BTNL8: variants seen among roughly 807,000 people sequenced by gnomAD.
BTNL8 encodes butyrophilin-like protein 8.
In BTNL8, 22 loss-of-function variants were observed where a neutral mutation model predicts 36.1. That is an observed-to-expected ratio of 0.61 (90% CI 0.44 to 0.87). The LOEUF (loss-of-function observed/expected upper bound fraction) is 0.87. Ranked by LOEUF, BTNL8 falls within the 40% of genes least tolerant of loss-of-function variation. The pLI, the probability that BTNL8 is intolerant of heterozygous loss-of-function variation, is 0.00. For missense variants in BTNL8, 526 were observed against 616.9 expected (o/e 0.85, Z 1.56); for synonymous variants, 203 against 235.6 (o/e 0.86, Z 1.27).
intron 5 of BTNL8, chr5:180,948,714 C>T: frequency 1.9e-6 from 1 of 523,662 alleles, no homozygotes; most frequent in South Asian, 2.0e-5. Context: ...GTGGGTGATC[C>T]TCGACCTCCC....
chr5:180,910,006 T>A (rs1210015730), intron 2 of BTNL8: 1 of 152,208 alleles, frequency 6.6e-6, no homozygotes, highest in East Asian at 1.9e-4. Flanking sequence ...GAAGGCCTCC[T>A]CCTCATAGCA....
At chr5:180,937,744 C>T (rs1758726105) in intron 3 of BTNL8, among the ~76,000 whole-genome samples, 2 of 152,006 alleles carry the variant, frequency 1.3e-5, no homozygotes, top group African/African-American at 2.4e-5. Flanking sequence ...AAATATGACA[C>T]CTCCAAAGGA....
rs764586330 is a variant in BTNL8, at chr5:180,911,343, G to A, written c.402G>A (p.Leu134=). 1 of 1,614,028 alleles carries A rather than the reference G, an allele frequency of 6.2e-7. No individual in the cohort carries two copies. Among genetic ancestry groups the A allele is most frequent in the Admixed American group, 1.7e-5 (1 of 60,012 alleles). Residue 134 remains leucine, a synonymous_variant, in exon 3 of 8, where the codon CTG becomes CTA. Transcript: ENST00000340184. The stretch of plus-strand genomic sequence containing the variant: ...CGTTCCCTGTTTTCTCCCCAGCACT[G>A]GGCTCAGTTCCTCTCATTTCCATCA... ...KAIWELQVSA[L]GSVPLISITG... is the part of the protein sequence containing the mutation.
At chr5:180,928,030 C>T (rs1024448023) in intron 3 of BTNL8, among the ~76,000 whole-genome samples, 3 of 152,048 alleles carry the variant, frequency 2.0e-5, no homozygotes, top group Admixed American at 1.3e-4. Flanking sequence ...GACACATAAT[C>T]GTCAGATTCA....
At chr5:180,945,622 C>A in intron 3 of BTNL8, 1 of 244,550 alleles carries the variant, frequency 4.1e-6, no homozygotes, top group South Asian at 4.5e-5. Context: ...AGAAAGAAAA[C>A]AAATAACCTG....
At chr5:180,922,936 T>A (rs1757936768) in intron 3 of BTNL8, among the ~76,000 whole-genome samples, 1 of 152,318 alleles carries the variant, frequency 6.6e-6, no homozygotes, top group South Asian at 2.1e-4. Context: ...TTTACCATCA[T>A]ATATTGCCTT....
intron 3 of BTNL8, among the ~76,000 whole-genome samples, chr5:180,933,176 T>C (rs1758485640): frequency 6.6e-6 from 1 of 152,176 alleles, no homozygotes; most frequent in South Asian, 2.1e-4. Context: ...TTAGTAAATA[T>C]TTTAAGGAGA....
intron 7 of BTNL8, chr5:180,949,538 G>C: frequency 5.3e-6 from 3 of 568,370 alleles, no homozygotes; most frequent in South Asian, 4.0e-5. Flanking sequence ...CTAGTGACTG[G>C]TCAGGGGTCT....
At chr5:180,948,210 C>A in intron 4 of BTNL8, 145 bp from the exon 5 acceptor site, 10 of 1,224,574 alleles carry the variant, frequency 8.2e-6, no homozygotes, top group Admixed American at 2.0e-5. Context: ...CGTGCAGGAG[C>A]TGGGGAGACG....
rs775606854 is a variant in BTNL8, at chr5:180,947,556, C to T, written c.718C>T (p.Leu240=). The T allele has an allele frequency of 6.2e-7, 1 of 1,613,856 alleles. No individual in the cohort carries two copies. The highest frequency in any genetic ancestry group is 1.3e-5 in the African/African-American group (1 of 74,914). The change falls in exon 4 of 8, where the codon CTG becomes TTG. Residue 240 remains leucine (L), a synonymous_variant. Transcript: ENST00000340184. The stretch of plus-strand genomic sequence containing the variant: ...ATCGTGGCACCTGGCTACCAAAGTA[C>T]TGGGAATACTCTGCTGTGGCCTATT... ...PISWHLATKV[L]GILCCGLFFG... is the part of the protein sequence containing the mutation.
chr5:180,945,311 G>A (rs1470790815), intron 3 of BTNL8, among the ~76,000 whole-genome samples: 2 of 152,094 alleles, frequency 1.3e-5, no homozygotes, highest in Non-Finnish European at 2.9e-5. Context: ...GTACAAAAAC[G>A]AACTCAGATT....
chr5:180,909,005 A>T (rs1463438178), intron 2 of BTNL8, 72 bp downstream of exon 2: 20 of 1,464,178 alleles, frequency 1.4e-5, no homozygotes, highest in Non-Finnish European at 1.8e-5. Context: ...TTTTTCAATA[A>T]GGAAATTTTA....
chr5:180,913,362 G>A (rs146134323), intron 3 of BTNL8, among the ~76,000 whole-genome samples: 2,901 of 152,218 alleles, frequency 0.019, 91 homozygotes, highest in African/African-American at 0.064. Context: ...TGCTACGCAG[G>A]ACCCACCCCT....
chr5:180,946,588 A>G (rs987305837), intron 3 of BTNL8, among the ~76,000 whole-genome samples: 3 of 152,200 alleles, frequency 2.0e-5, no homozygotes, highest in African/African-American at 7.2e-5. Flanking sequence ...AGAGAGTAGA[A>G]TGTTACCAGA....
chr5:180,908,431 A>C (rs1757215085), intron 1 of BTNL8, among the ~76,000 whole-genome samples, 155 bp from the exon 2 acceptor site: 1 of 152,074 alleles, frequency 6.6e-6, no homozygotes, highest in African/African-American at 2.4e-5. Flanking sequence ...AGTGAGATGA[A>C]CCCGGTACCT....
intron 1 of BTNL8, among the ~76,000 whole-genome samples, chr5:180,904,808 G>A (rs1041868999): frequency 4.3e-4 from 66 of 151,924 alleles, no homozygotes; most frequent in African/African-American, 1.5e-3. Flanking sequence ...CTTTGGCTCC[G>A]TTTATATGCT....
chr5:180,905,848 A>C (rs1295649312), intron 1 of BTNL8, among the ~76,000 whole-genome samples: 1 of 151,448 alleles, frequency 6.6e-6, no homozygotes, highest in East Asian at 1.9e-4. Context: ...TGAGATTCTT[A>C]ATCCTGAGTT....
intron 3 of BTNL8, among the ~76,000 whole-genome samples, chr5:180,932,211 G>T (rs1416372394): frequency 6.6e-6 from 1 of 152,180 alleles, no homozygotes; most frequent in African/African-American, 2.4e-5. Context: ...ATGTCAGGGT[G>T]TGGGGGGCTA....
chr5:180,908,971 A>G, intron 2 of BTNL8, 38 bp downstream of exon 2: 6 of 1,541,282 alleles, frequency 3.9e-6, no homozygotes, highest in Non-Finnish European at 4.4e-6. Context: ...GTCCCAAAGA[A>G]CCATCCTGGA....
Sources: gnomAD v4.1 joint callset for allele counts (sites outside exome capture counted in the v4.1 genomes callset) on GRCh38, gnomAD v4.1.1 for gene constraint, MANE v1.5 for transcripts, NCBI Gene and HGNC (gene_info 2026-07-23, HGNC 2026-07-21) for gene names.